The following LATS2 variants were observed in gnomAD, a reference collection of about 807,000 sequenced individuals.
LATS2 encodes the protein serine/threonine-protein kinase LATS2.
LATS2 carries 24 observed loss-of-function variants against 76.0 expected under a neutral mutation model. That is an observed-to-expected ratio of 0.32 (90% CI 0.23 to 0.44). The LOEUF is 0.44. Ranked by LOEUF, LATS2 falls within the 20% of genes least tolerant of loss-of-function variation. The pLI is 1.00. For synonymous variants in LATS2, 692 were observed against 635.4 expected, an observed-to-expected ratio of 1.09 and a Z score of -1.34; for missense variants, 1,286 against 1,481.2, an observed-to-expected ratio of 0.87 and a Z score of 2.16.
intron 2 of LATS2, among the ~76,000 whole-genome samples, chr13:21,001,968 C>T (rs940189534): frequency 1.3e-5 from 2 of 151,868 alleles, no homozygotes; most frequent in South Asian, 4.2e-4. Context: ...GGCTGGAGTG[C>T]AGTGGCACTA....
intron 4 of LATS2, among the ~76,000 whole-genome samples, chr13:20,987,185 A>G (rs1870189411): frequency 2.0e-5 from 3 of 151,760 alleles, no homozygotes; most frequent in African/African-American, 7.3e-5. Context: ...ACAGAGCAAG[A>G]CTCCGTCTAA....
At chr13:21,025,991 T>G (rs868025459) in intron 2 of LATS2, among the ~76,000 whole-genome samples, 2 of 152,284 alleles carry the variant, frequency 1.3e-5, no homozygotes, top group South Asian at 4.1e-4. Context: ...CAAGAGACTC[T>G]CCACCCAAGA....
chr13:20,981,806 A>C (rs1418352530), intron 5 of LATS2, among the ~76,000 whole-genome samples, 158 bp from the exon 6 acceptor site: 1 of 152,186 alleles, frequency 6.6e-6, no homozygotes, highest in African/African-American at 2.4e-5. Flanking sequence ...GCTGCTCCAT[A>C]GGGGCAGCCT....
rs559548036 is a variant in LATS2 at position 20,993,770 on chromosome 13, C to T, written c.343-2366G>A. ...ATAAGACTCCCACCACCGCCTACTTCGGGAGCTATGCGATGAGATCACGTC... is the reference window on the plus strand; with the variant it reads ...ATAAGACTCCCACCACCGCCTACTTTGGGAGCTATGCGATGAGATCACGTC... On this transcript the variant is annotated intron_variant, in intron 2 of 7. Transcript: ENST00000382592. 6.7e-4 allele frequency among the ~76,000 whole-genome samples: 102 copies of T among 152,248 alleles called. No homozygotes were observed. In the South Asian group the frequency reaches 0.011, roughly 17 times the overall value.
chr13:21,029,521 G>A (rs1256896917), intron 2 of LATS2, among the ~76,000 whole-genome samples: 1 of 152,136 alleles, frequency 6.6e-6, no homozygotes, highest in Admixed American at 6.5e-5. Flanking sequence ...TGTCGGGTGC[G>A]GTGGCTCATG....
In LATS2 at chr13:20,989,069, G is replaced by A. The variant is rs954061963; in HGVS notation, c.711C>T (p.Ala237=). The change falls in exon 4 of 8, where the codon GCC becomes GCT. Residue 237 remains alanine (A), a synonymous_variant. Coordinates refer to ENST00000382592, the MANE Select transcript of LATS2 (RefSeq NM_014572.3). ...QHQHPPKGYG[A]SVEAAGAHFP... ...AGTGTGCCCCTGCTGCCTCTACGCTGGCACCGTAGCCCTTGGGTGGGTGCT... is the reference window on the plus strand; with the variant it reads ...AGTGTGCCCCTGCTGCCTCTACGCTAGCACCGTAGCCCTTGGGTGGGTGCT... 4 of 1,588,844 alleles carry A rather than the reference G, an allele frequency of 2.5e-6. No individual in the cohort carries two copies. The highest frequency in any genetic ancestry group is 3.4e-6 in the Non-Finnish European group (4 of 1,171,250).
intron 2 of LATS2, among the ~76,000 whole-genome samples, chr13:21,006,679 T>C (rs1871278355): frequency 6.6e-6 from 1 of 152,270 alleles, no homozygotes; most frequent in Non-Finnish European, 1.5e-5. Flanking sequence ...ATTCTGCCGC[T>C]GTCTCCATCA....
rs192824312 is a variant in LATS2 at position 21,033,629 on chromosome 13, G to T, written c.342+12056C>A. ...TGAAGGCTCTTGTAAGCGTCTCCAA[G>T]GTTGACAGACGGCACAGAGTACAAT... On this transcript the variant is annotated intron_variant, in intron 2 of 7. Coordinates refer to ENST00000382592, the MANE Select transcript of LATS2 (RefSeq NM_014572.3). Among the ~76,000 whole-genome samples, 510 of 149,932 alleles carry T rather than the reference G, an allele frequency of 3.4e-3. 2 individuals carry two copies. The highest frequency in any genetic ancestry group is 3.0e-3 in the Non-Finnish European group (203 of 67,678).
chr13:21,036,129 C>T (rs1872677611), intron 2 of LATS2, among the ~76,000 whole-genome samples: 1 of 152,096 alleles, frequency 6.6e-6, no homozygotes, highest in Non-Finnish European at 1.5e-5. Context: ...CACCCGACCT[C>T]GGATGATCCA....
At chr13:21,016,960 T>C (rs1315949159) in intron 2 of LATS2, among the ~76,000 whole-genome samples, 2 of 152,182 alleles carry the variant, frequency 1.3e-5, no homozygotes, top group Non-Finnish European at 2.9e-5. Flanking sequence ...TTCTCAGACA[T>C]AAGAGGGATT....
chr13:21,043,342 A>C lies in LATS2; in HGVS notation c.342+2343T>G, dbSNP rs545435251. On this transcript the variant is annotated intron_variant, in intron 2 of 7. Transcript: ENST00000382592. ...ACAGAGCAAGACACCGTCTAAAAAA[A>C]AAAAAGAACTCTATTATACTGAATT... Among the ~76,000 whole-genome samples, 9 of 151,872 alleles carry C rather than the reference A, an allele frequency of 5.9e-5. No individual in the cohort carries two copies. The South Asian group carries it at 1.9e-3, about 31-fold the overall frequency.
At position 21,007,624 on chromosome 13, in the gene LATS2, G is replaced by C. The variant is rs183148670; in HGVS notation, c.343-16220C>G. Among the ~76,000 whole-genome samples the C allele has an allele frequency of 9.3e-3, 5 of 536 alleles. 1 individual carries two copies. The highest frequency in any genetic ancestry group is 0.05 in the Admixed American group (1 of 20). 0.4% of individuals were successfully genotyped at this position (536 alleles called of 152,430 possible). On this transcript the variant is annotated intron_variant, in intron 2 of 7. Transcript: ENST00000382592. ...TATAGTGTGTATATATATATATAGT[G>C]TATATATATATATATATATAGTGTG...
chr13:21,042,983 C>CA (rs71200326), intron 2 of LATS2, among the ~76,000 whole-genome samples: 1,328 of 104,866 alleles, frequency 0.013, 17 homozygotes, highest in African/African-American at 0.039. Flanking sequence ...GACTCCGTCT[C>CA]AAAAAAAAAA....
rs1202071139 is a variant in LATS2, at chr13:21,061,417, C to G, written c.-276G>C. On this transcript the variant is annotated 5_prime_UTR_variant, in exon 1 of 8. Coordinates refer to ENST00000382592, the MANE Select transcript of LATS2 (RefSeq NM_014572.3). ...TCCCGGGCCTCTCGCGCCGGGAGACCGGGCACTGGTGGCTGGAGCTGCTGC... is the reference window on the plus strand; with the variant it reads ...TCCCGGGCCTCTCGCGCCGGGAGACGGGGCACTGGTGGCTGGAGCTGCTGC... 3 of 152,868 alleles carry G rather than the reference C, an allele frequency of 2.0e-5. No homozygotes were observed. Among genetic ancestry groups the G allele is most frequent in the Admixed American group, 6.5e-5 (1 of 15,284 alleles). 9.5% of individuals were successfully genotyped at this position (152,868 alleles called of 1,614,324 possible).
In LATS2 at chr13:20,981,794, G is replaced by C. The variant is rs1389375733; in HGVS notation, c.2483-146C>G. ...CATATCAGGACAGAGAATCCCCGCT[G>C]AGCTGCTCCATAGGGGCAGCCTGCT... On this transcript the variant is annotated intron_variant, in intron 5 of 7. Transcript: ENST00000382592. 5.7e-6 allele frequency: 4 copies of C among 699,644 alleles called. No homozygotes were observed. In the East Asian group the frequency reaches 1.1e-4, roughly 20 times the overall value. The allele number at this position is 699,644 out of a possible 1,614,324, so 43.3% of individuals were successfully genotyped here.
intron 1 of LATS2, among the ~76,000 whole-genome samples, chr13:21,059,277 A>G (rs2138422793): frequency 6.6e-6 from 1 of 152,340 alleles, no homozygotes; most frequent in Non-Finnish European, 1.5e-5. Context: ...AGTTAAGGTG[A>G]AATAATTTTT....
At chr13:20,979,341 C>T (rs968802601) in intron 7 of LATS2, among the ~76,000 whole-genome samples, 22 of 151,790 alleles carry the variant, frequency 1.4e-4, no homozygotes, top group African/African-American at 4.1e-4. Flanking sequence ...CCTGGAGTTC[C>T]GTGTGTTCTC....
intron 3 of LATS2, among the ~76,000 whole-genome samples, chr13:20,990,460 G>GTTTTTTTTTT (rs1595218277): frequency 1.3e-5 from 1 of 74,552 alleles, no homozygotes; most frequent in Non-Finnish European, 2.8e-5. Flanking sequence ...TAATTACTAG[G>GTTTTTTTTTT]ATTTTTTTTT....
In LATS2 at chr13:21,031,721, G is replaced by A. The variant is rs545983225; in HGVS notation, c.342+13964C>T. Among the ~76,000 whole-genome samples the A allele has an allele frequency of 6.5e-4, 99 of 152,188 alleles. 1 individual carries two copies. Among genetic ancestry groups the A allele is most frequent in the Admixed American group, 1.8e-3 (27 of 15,278 alleles). ...AAAAAAGTTAAAAAGTGAGCTGAGCGTGGCGAAGTGTGCCTGTAGTCACAG... is the reference window on the plus strand; with the variant it reads ...AAAAAAGTTAAAAAGTGAGCTGAGCATGGCGAAGTGTGCCTGTAGTCACAG... On this transcript the variant is annotated intron_variant, in intron 2 of 7. Coordinates refer to ENST00000382592, the MANE Select transcript of LATS2 (RefSeq NM_014572.3).
Sources: allele counts gnomAD v4.1 joint callset (sites outside exome capture counted in the v4.1 genomes callset), GRCh38; gene constraint gnomAD v4.1.1; transcripts MANE v1.5; gene names NCBI Gene and HGNC (gene_info 2026-07-23, HGNC 2026-07-21).